KISS1R: variants seen among roughly 807,000 people sequenced by gnomAD.
KISS1R encodes kiSS-1 receptor.
In KISS1R, 19 loss-of-function variants were observed where a neutral mutation model predicts 22.0. That is an observed-to-expected ratio of 0.86 (90% CI 0.60 to 1.26). The LOEUF is 1.26. KISS1R is among the 50% of genes most tolerant of loss of function. The probability of loss-of-function intolerance (pLI) is 0.00; values close to 1 mark genes in which losing one functional copy is unlikely to be tolerated. For synonymous variants in KISS1R, 302 were observed against 283.9 expected, an observed-to-expected ratio of 1.06 and a Z score of -0.64; for missense variants, 653 against 581.9, an observed-to-expected ratio of 1.12 and a Z score of -1.26.
intron 3 of KISS1R, 114 bp from the exon 4 acceptor site, chr19:919,760 C>T (rs2037098586): frequency 1.3e-6 from 2 of 1,493,516 alleles, no homozygotes; most frequent in African/African-American, 2.8e-5. Flanking sequence ...GCCAGCGAGG[C>T]TGCAGACGGG....
chr19:918,500 G>C (rs1303821245), intron 1 of KISS1R, 44 bp from the exon 2 acceptor site: 1 of 1,536,146 alleles, frequency 6.5e-7, no homozygotes, highest in African/African-American at 1.4e-5. Context: ...CGGTTCCCGC[G>C]GCCAGTGGCG....
chr19:920,233 G>A (rs1258198125), intron 4 of KISS1R, 57 bp from the exon 5 acceptor site: 11 of 1,536,400 alleles, frequency 7.2e-6, no homozygotes, highest in Non-Finnish European at 9.6e-6. Context: ...GGTGCGAGGG[G>A]ATGAGCTGAG....
In KISS1R at chr19:917,595, C is replaced by T; in HGVS notation, c.93C>T (p.Asp31=). ...GCPGCGANAS[D]GPVPSPRAVD... ...CGGGCTGTGGCGCCAACGCCTCGGA[C>T]GGCCCAGTCCCTTCGCCGCGGGCCG... The change falls in exon 1 of 5, where the codon GAC becomes GAT. Residue 31 remains aspartate, a synonymous_variant. Coordinates refer to ENST00000234371, the MANE Select transcript of KISS1R (RefSeq NM_032551.5). The T allele has an allele frequency of 1.9e-6, 3 of 1,547,914 alleles. No homozygotes were observed. The highest frequency in any genetic ancestry group is 1.9e-5 in the Admixed American group (1 of 51,724).
At chr19:918,473 G>C (rs958642571) in intron 1 of KISS1R, 71 bp from the exon 2 acceptor site, 37 of 1,518,908 alleles carry the variant, frequency 2.4e-5, no homozygotes, top group Non-Finnish European at 3.3e-5. Flanking sequence ...CCAGGGGTCA[G>C]GGCCAGGAGC....
Position 920,460 on chromosome 19 carries a change from G to A in KISS1R, c.909G>A (p.Ala303=). The A allele has an allele frequency of 1.2e-6, 2 of 1,611,042 alleles. No homozygotes were observed. Among genetic ancestry groups the A allele is most frequent in the South Asian group, 1.1e-5 (1 of 90,832 alleles). ...SWHPRSYAAY[A]LKTWAHCMSY... is the part of the protein sequence containing the mutation. ...ACCCACGCAGCTACGCCGCCTACGC[G>A]CTTAAGACCTGGGCTCACTGCATGT... The change falls in exon 5 of 5, where the codon GCG becomes GCA. Residue 303 remains alanine, a synonymous_variant. Transcript: ENST00000234371.
chr19:917,479 C>CG lies in KISS1R; in HGVS notation c.-21dup, dbSNP rs749796099. On this transcript the variant is annotated 5_prime_UTR_variant, in exon 1 of 5. Coordinates refer to ENST00000234371, the MANE Select transcript of KISS1R (RefSeq NM_032551.5). ...CCAGGGCGCAATCCTGGAGGGCGGC[C>CG]GGGAGGAGGAGGTGCGCGCGGCCAT... 9 of 1,440,414 alleles carry CG rather than the reference C, an allele frequency of 6.2e-6. No homozygotes were observed. The highest frequency in any genetic ancestry group is 8.2e-6 in the Non-Finnish European group (9 of 1,101,984). The allele number at this position is 1,440,414 out of a possible 1,614,324, so 89.2% of individuals were successfully genotyped here.
chr19:920,336 C>T lies in KISS1R; in HGVS notation c.785C>T (p.Ser262Leu), dbSNP rs745580229. 1 of 1,562,144 alleles carries T rather than the reference C, an allele frequency of 6.4e-7. No homozygotes were observed. Among genetic ancestry groups the T allele is most frequent in the East Asian group, 2.4e-5 (1 of 42,218 alleles). ...ERAGAVRAKVSRLVAAVVLLF... is the reference protein window; with the variant it reads ...ERAGAVRAKVLRLVAAVVLLF... ...GCAGGCGCCGTGCGGGCCAAGGTCTCGCGGCTGGTGGCGGCCGTGGTCCTG... is the reference window on the plus strand; with the variant it reads ...GCAGGCGCCGTGCGGGCCAAGGTCTTGCGGCTGGTGGCGGCCGTGGTCCTG... Residue 262 changes from serine to leucine, a missense_variant, in exon 5 of 5, where the codon TCG (serine) becomes TTG (leucine). Physicochemically the swap from Ser to Leu is moderately radical, Grantham distance 145. Coordinates refer to ENST00000234371, the MANE Select transcript of KISS1R (RefSeq NM_032551.5).
At chr19:920,207 G>A (rs1374523065) in intron 4 of KISS1R, 83 bp from the exon 5 acceptor site, 5 of 1,518,974 alleles carry the variant, frequency 3.3e-6, no homozygotes, top group Non-Finnish European at 4.4e-6. Flanking sequence ...GACAGCCCAA[G>A]GGGTCCAGGA....
At position 920,337 on chromosome 19, in the gene KISS1R, G is replaced by A. The variant is rs1449859608; in HGVS notation, c.786G>A (p.Ser262=). The A allele has an allele frequency of 6.4e-7, 1 of 1,557,258 alleles. No individual in the cohort carries two copies. The highest frequency in any genetic ancestry group is 1.9e-5 in the Admixed American group (1 of 54,036). ...CAGGCGCCGTGCGGGCCAAGGTCTCGCGGCTGGTGGCGGCCGTGGTCCTGC... is the reference window on the plus strand; with the variant it reads ...CAGGCGCCGTGCGGGCCAAGGTCTCACGGCTGGTGGCGGCCGTGGTCCTGC... ...ERAGAVRAKV[S]RLVAAVVLLF... is the part of the protein sequence containing the mutation. The change falls in exon 5 of 5, where the codon TCG becomes TCA. Residue 262 remains serine (S), a synonymous_variant. Transcript: ENST00000234371.
At position 920,633 on chromosome 19, in the gene KISS1R, C is replaced by A. The variant is rs764972470; in HGVS notation, c.1082C>A (p.Ala361Glu). 7.6e-7 allele frequency: 1 copy of A among 1,321,106 alleles called. No homozygotes were observed. The highest frequency in any genetic ancestry group is 2.4e-5 in the South Asian group (1 of 41,762). 81.8% of individuals were successfully genotyped at this position (1,321,106 alleles called of 1,614,324 possible). A position where few individuals can be genotyped will look rare whatever the true frequency, so the allele number is the denominator to read the frequency against. ...CCCTCGGACCCCGCAGCCCCACACG[C>A]GGAGCTGCTCCGCCTGGGGTCCCAC... ...PGPSDPAAPHAELLRLGSHPA... is the reference protein window; with the variant it reads ...PGPSDPAAPHEELLRLGSHPA... The change falls in exon 5 of 5, where the codon GCG (alanine) becomes GAG (glutamate). Residue 361 changes from alanine to glutamate, a missense_variant. Coordinates refer to ENST00000234371, the MANE Select transcript of KISS1R (RefSeq NM_032551.5).
chr19:919,410 A>AG (rs2037092771), intron 2 of KISS1R, 80 bp from the exon 3 acceptor site: 1 of 1,522,778 alleles, frequency 6.6e-7, no homozygotes, highest in Non-Finnish European at 8.8e-7. Context: ...TCGCACACGT[A>AG]GGGGGATCAG....
chr19:918,799 ACGTGGGGACGGGGAGGGGGGGTGC>A, intron 2 of KISS1R, 131 bp downstream of exon 2: 1 of 134,976 alleles, frequency 7.4e-6, no homozygotes, highest in South Asian at 7.6e-5. Flanking sequence ...AGGGGATCGT[ACGTGGGGACGGGGAGGGGGGGTGC>A]GCTGCGGAGC....
chr19:917,918 G>T (rs1322413173), intron 1 of KISS1R, among the ~76,000 whole-genome samples, 172 bp downstream of exon 1: 2 of 152,162 alleles, frequency 1.3e-5, no homozygotes, highest in Non-Finnish European at 2.9e-5. Flanking sequence ...CCTGAGGCTA[G>T]AGGTCGCAAA....
chr19:920,355 G>A lies in KISS1R; in HGVS notation c.804G>A (p.Val268=). 6.4e-7 allele frequency: 1 copy of A among 1,566,524 alleles called. No homozygotes were observed. Among genetic ancestry groups the A allele is most frequent in the Non-Finnish European group, 8.6e-7 (1 of 1,163,648 alleles). ...RAKVSRLVAA[V]VLLFAACWGP... ...AGGTCTCGCGGCTGGTGGCGGCCGT[G>A]GTCCTGCTCTTCGCCGCCTGCTGGG... The change falls in exon 5 of 5, where the codon GTG becomes GTA. Residue 268 remains valine, a synonymous_variant. Transcript: ENST00000234371.
chr19:917,890 T>C, intron 1 of KISS1R, 144 bp downstream of exon 1: 1 of 1,017,804 alleles, frequency 9.8e-7, no homozygotes, highest in Non-Finnish European at 1.4e-6. Context: ...CTCGAATCTT[T>C]TCCCTGTGGT....
Position 917,475 on chromosome 19 carries a change from C to A in KISS1R, c.-28C>A. 3 of 1,435,356 alleles carry A rather than the reference C, an allele frequency of 2.1e-6. No homozygotes were observed. Among genetic ancestry groups the A allele is most frequent in the South Asian group, 1.4e-5 (1 of 69,926 alleles). 88.9% of individuals were successfully genotyped at this position (1,435,356 alleles called of 1,614,324 possible). A position where few individuals can be genotyped will look rare whatever the true frequency, so the allele number is the denominator to read the frequency against. ...GGTGCCAGGGCGCAATCCTGGAGGG[C>A]GGCCGGGAGGAGGAGGTGCGCGCGG... On this transcript the variant is annotated 5_prime_UTR_variant, in exon 1 of 5. Transcript: ENST00000234371.
At position 919,959 on chromosome 19, in the gene KISS1R, C is replaced by A. The variant is rs1359850429; in HGVS notation, c.591C>A (p.Ser197Arg). Residue 197 changes from serine to arginine, a missense_variant, in exon 4 of 5, where the codon AGC (serine) becomes AGA (arginine). Transcript: ENST00000234371. ...PRAYCSEAFP[S>R]RALERAFALY... is the part of the protein sequence containing the mutation. ...CCTACTGCAGTGAGGCCTTCCCCAG[C>A]CGCGCCCTGGAGCGCGCCTTCGCAC... 6.4e-7 allele frequency: 1 copy of A among 1,571,154 alleles called. No individual in the cohort carries two copies. The highest frequency in any genetic ancestry group is 8.6e-7 in the Non-Finnish European group (1 of 1,161,462).
At chr19:918,405 TGGG>T (rs950424827) in intron 1 of KISS1R, 136 bp from the exon 2 acceptor site, 63 of 822,116 alleles carry the variant, frequency 7.7e-5, no homozygotes, top group Middle Eastern at 7.3e-4. Flanking sequence ...CCAGGGGCGC[TGGG>T]GGAGGGGGGG....
chr19:919,778 G>C (rs1449087118), intron 3 of KISS1R, 96 bp from the exon 4 acceptor site: 1 of 1,488,392 alleles, frequency 6.7e-7, no homozygotes, highest in Non-Finnish European at 9.1e-7. Context: ...GGGGCGCCCG[G>C]GCCTTTGCAG....
Sources: gnomAD v4.1 joint callset for allele counts (sites outside exome capture counted in the v4.1 genomes callset) on GRCh38, gnomAD v4.1.1 for gene constraint, MANE v1.5 for transcripts, NCBI Gene and HGNC (gene_info 2026-07-23, HGNC 2026-07-21) for gene names.